Variants in SHMT1 observed in about 807,000 individuals in gnomAD.
The protein encoded by SHMT1 is serine hydroxymethyltransferase 1, also known as serine hydroxymethyltransferase, cytosolic.
A neutral mutation model predicts 49.0 loss-of-function variants in SHMT1; 45 were observed. The observed-to-expected ratio is 0.92, with a 90% CI of 0.72 to 1.18. The LOEUF (loss-of-function observed/expected upper bound fraction) is 1.18. SHMT1 is among the 50% of genes most tolerant of loss of function. The pLI is 0.00. For missense variants in SHMT1, 541 were observed against 612.4 expected (o/e 0.88, Z 1.23); for synonymous variants, 232 against 246.6 (o/e 0.94, Z 0.55).
At chr17:18,329,023 T>G in intron 11 of SHMT1, 104 bp from the exon 12 acceptor site, 1 of 1,428,372 alleles carries the variant, frequency 7.0e-7, no homozygotes, top group Admixed American at 1.7e-5. Flanking sequence ...AGCTGGGGAG[T>G]GTGGCAGGGC....
intron 3 of SHMT1, among the ~76,000 whole-genome samples, chr17:18,350,586 G>A (rs556891597): frequency 6.6e-6 from 1 of 151,840 alleles, no homozygotes; most frequent in Non-Finnish European, 1.5e-5. Context: ...GCAATGAGAC[G>A]AGATTGCACC....
intron 3 of SHMT1, among the ~76,000 whole-genome samples, chr17:18,349,981 T>A (rs1443318655): frequency 6.8e-6 from 1 of 147,228 alleles, no homozygotes; most frequent in Admixed American, 6.8e-5. Context: ...GATTGTACCA[T>A]TGCACTCCAC....
At chr17:18,347,766 G>C (rs1332526402) in intron 4 of SHMT1, 110 bp from the exon 5 acceptor site, 1 of 1,205,480 alleles carries the variant, frequency 8.3e-7, no homozygotes, top group South Asian at 1.3e-5. Flanking sequence ...AACAGGCCTT[G>C]TACCTTCCCT....
intron 7 of SHMT1, among the ~76,000 whole-genome samples, chr17:18,335,997 G>A (rs923536046): frequency 5.3e-5 from 8 of 152,302 alleles, no homozygotes; most frequent in African/African-American, 1.9e-4. Flanking sequence ...TGAAAGGACA[G>A]GCTGGACGCG....
chr17:18,334,629 C>T (rs1983599199), intron 8 of SHMT1, among the ~76,000 whole-genome samples: 1 of 152,208 alleles, frequency 6.6e-6, no homozygotes, highest in South Asian at 2.1e-4. Flanking sequence ...CTGCACCATT[C>T]AGACTTATCT....
At chr17:18,361,770 AGTGAGACTCC>A (rs1399569920) in intron 1 of SHMT1, among the ~76,000 whole-genome samples, 1 of 151,002 alleles carries the variant, frequency 6.6e-6, no homozygotes, top group Non-Finnish European at 1.5e-5. Flanking sequence ...TGGGCAACAG[AGTGAGACTCC>A]GTCTCAAAAA....
intron 1 of SHMT1, among the ~76,000 whole-genome samples, chr17:18,356,353 ATTTTTT>A (rs750835252): frequency 6.9e-6 from 1 of 144,338 alleles, no homozygotes; most frequent in African/African-American, 2.6e-5. Context: ...ATTTATTTTT[ATTTTTT>A]TGAGACAAGA....
At position 18,348,436 on chromosome 17, in the gene SHMT1, A is replaced by G; in HGVS notation, c.247T>C (p.Tyr83His). The change falls in exon 4 of 12, where the codon TAT becomes CAT. Residue 83 changes from tyrosine to histidine, a missense_variant. Transcript: ENST00000316694. Reference sequence around the variant, plus strand: ...TCATCAATAAACTCAGTCCCGCCATAGTATCTGTGGGAGAAGAGCAGGAGA... The same window carrying G: ...TCATCAATAAACTCAGTCCCGCCATGGTATCTGTGGGAGAAGAGCAGGAGA... The part of the protein sequence containing the change: ...YSEGYPGQRY[Y>H]GGTEFIDELE... 1 of 1,608,624 alleles carries G rather than the reference A, an allele frequency of 6.2e-7. No homozygotes were observed. The highest frequency in any genetic ancestry group is 8.5e-7 in the Non-Finnish European group (1 of 1,174,964).
chr17:18,344,577 GA>G (rs10655994), intron 5 of SHMT1, among the ~76,000 whole-genome samples: 863 of 65,340 alleles, frequency 0.013, 10 homozygotes, highest in African/African-American at 0.047. Context: ...ACAATTACCG[GA>G]AAAAAAAAAA....
At chr17:18,358,231 C>T (rs1813974378) in intron 1 of SHMT1, among the ~76,000 whole-genome samples, 1 of 150,808 alleles carries the variant, frequency 6.6e-6, no homozygotes, top group South Asian at 2.1e-4. Context: ...GTGGCTCATG[C>T]CTGTAATCCC....
intron 1 of SHMT1, among the ~76,000 whole-genome samples, chr17:18,362,318 TTC>T (rs1349638645): frequency 6.6e-6 from 1 of 152,158 alleles, no homozygotes; most frequent in South Asian, 2.1e-4. Context: ...TTTCTTTTCT[TTC>T]TCTCTCTTTC....
Position 18,362,667 on chromosome 17 carries a change from T to C in SHMT1, c.-20+705A>G, listed in dbSNP as rs1986879846. On this transcript the variant is annotated intron_variant, in intron 1 of 11. Coordinates refer to ENST00000316694, the MANE Select transcript of SHMT1 (RefSeq NM_004169.5). ...AGAACCTAAACTGGTGTTTCCAGTC[T>C]ATTCTCTGGGTAACTGCCCGATTGA... 1.3e-5 allele frequency among the ~76,000 whole-genome samples: 2 copies of C among 152,208 alleles called. 1 individual carries two copies. The highest frequency in any genetic ancestry group is 4.1e-4 in the South Asian group (2 of 4,836).
chr17:18,340,375 C>T lies in SHMT1; in HGVS notation c.602-120G>A. The T allele has an allele frequency of 9.1e-7, 1 of 1,104,762 alleles. No individual in the cohort carries two copies. Among genetic ancestry groups the T allele is most frequent in the Non-Finnish European group, 1.3e-6 (1 of 747,972 alleles). The allele number at this position is 1,104,762 out of a possible 1,614,324, so 68.4% of individuals were successfully genotyped here. A position where few individuals can be genotyped will look rare whatever the true frequency, so the allele number is the denominator to read the frequency against. On this transcript the variant is annotated intron_variant, in intron 6 of 11. Coordinates refer to ENST00000316694, the MANE Select transcript of SHMT1 (RefSeq NM_004169.5). The surrounding 1 kb of genome is among the most constrained non-coding windows in gnomAD (Gnocchi z 4.5). ...CCAGAGATTTCTTCCCTTAAAGTCT[C>T]AGAGCAAAAATGGAGAATGCCCTCA...
At chr17:18,338,756 G>A (rs866581284) in intron 7 of SHMT1, among the ~76,000 whole-genome samples, 12 of 152,000 alleles carry the variant, frequency 7.9e-5, no homozygotes, top group Non-Finnish European at 1.2e-4. Flanking sequence ...CCCCAACCCC[G>A]TGCTCTCTGA....
At chr17:18,353,097 A>G (rs1397241519) in intron 3 of SHMT1, among the ~76,000 whole-genome samples, 2 of 152,214 alleles carry the variant, frequency 1.3e-5, no homozygotes, top group African/African-American at 4.8e-5. Context: ...CCTTTGGGAC[A>G]AAAATGCACA....
intron 5 of SHMT1, among the ~76,000 whole-genome samples, chr17:18,345,657 G>C (rs910980646): frequency 6.6e-6 from 1 of 151,592 alleles, no homozygotes; most frequent in Non-Finnish European, 1.5e-5. Flanking sequence ...TTACAAGCGT[G>C]AGCAACTGCA....
intron 5 of SHMT1, among the ~76,000 whole-genome samples, chr17:18,345,305 T>G (rs1984969871): frequency 6.6e-6 from 1 of 152,198 alleles, no homozygotes; most frequent in South Asian, 2.1e-4. Context: ...TCACCTAGGC[T>G]GGAGTGCACT....
intron 5 of SHMT1, among the ~76,000 whole-genome samples, chr17:18,343,878 C>G (rs1260219881): frequency 6.7e-6 from 1 of 150,214 alleles, no homozygotes; most frequent in Non-Finnish European, 1.5e-5. Context: ...CGAGACAGAG[C>G]CACTGCACTC....
chr17:18,335,219 G>T (rs1416279102), intron 8 of SHMT1, among the ~76,000 whole-genome samples: 1 of 152,202 alleles, frequency 6.6e-6, no homozygotes, highest in East Asian at 1.9e-4. Context: ...AAGGGCAAGG[G>T]GACTCATCCT....
Sources: allele counts gnomAD v4.1 joint callset (sites outside exome capture counted in the v4.1 genomes callset), GRCh38; gene constraint gnomAD v4.1.1; non-coding constraint Gnocchi (gnomAD v3.1); transcripts MANE v1.5; gene names NCBI Gene and HGNC (gene_info 2026-07-23, HGNC 2026-07-21).